GRM8: variants seen among roughly 807,000 people sequenced by gnomAD.
The protein encoded by GRM8 is metabotropic glutamate receptor 8.
A neutral mutation model predicts 87.2 loss-of-function variants in GRM8; 47 were observed. That is an observed-to-expected ratio of 0.54 (90% CI 0.43 to 0.69). The LOEUF is 0.69. Among genes scored for constraint, GRM8 ranks in the 30% least tolerant of loss-of-function variants. The probability of loss-of-function intolerance (pLI) is 0.00; values close to 1 mark genes in which losing one functional copy is unlikely to be tolerated. For synonymous variants in GRM8, 396 were observed against 404.5 expected (o/e 0.98, Z 0.25); for missense variants, 1,019 against 1,139.2 (o/e 0.89, Z 1.52).
At chr7:127,135,684 G>A (rs1329599052) in intron 2 of GRM8, among the ~76,000 whole-genome samples, 1 of 142,822 alleles carries the variant, frequency 7.0e-6, no homozygotes, top group East Asian at 2.2e-4. Flanking sequence ...AACCGGGCAT[G>A]AAACTGTTAC....
rs540349054 is a variant in GRM8 at position 126,523,260 on chromosome 7, A to T, written c.2430+9692T>A. 9.9e-4 allele frequency among the ~76,000 whole-genome samples: 151 copies of T among 152,330 alleles called. 1 individual carries two copies. Among genetic ancestry groups the T allele is most frequent in the African/African-American group, 3.4e-3 (142 of 41,578 alleles). On this transcript the variant is annotated intron_variant, in intron 9 of 10. Transcript: ENST00000339582. The stretch of plus-strand genomic sequence containing the variant: ...AAAGTTTTTCTTGAGACTTTCATTT[A>T]AATTCTTCTGTATGCGATGATTTAT...
rs144155774 is a variant in GRM8, at chr7:127,194,378, G to A, written c.510+48317C>T. ...TAAATGTTAGCTATTATCATTATGAGTACTGTTATTATCAGGGTGTCAGAT... is the reference window on the plus strand; with the variant it reads ...TAAATGTTAGCTATTATCATTATGAATACTGTTATTATCAGGGTGTCAGAT... On this transcript the variant is annotated intron_variant, in intron 2 of 10. Coordinates refer to ENST00000339582, the MANE Select transcript of GRM8 (RefSeq NM_000845.3). 2.5e-4 allele frequency among the ~76,000 whole-genome samples: 38 copies of A among 152,268 alleles called. No homozygotes were observed. In the East Asian group the frequency reaches 6.9e-3, roughly 28 times the overall value.
At chr7:127,071,783 T>C (rs952024205) in intron 3 of GRM8, among the ~76,000 whole-genome samples, 2 of 152,220 alleles carry the variant, frequency 1.3e-5, no homozygotes, top group East Asian at 1.9e-4. Context: ...CTTTTCTATA[T>C]ATACATATTT....
chr7:126,841,834 G>C (rs1434986018), intron 6 of GRM8, among the ~76,000 whole-genome samples: 1 of 151,674 alleles, frequency 6.6e-6, no homozygotes, highest in Admixed American at 6.6e-5. Flanking sequence ...GGGTTTCACC[G>C]TGATAGCCAG....
chr7:127,209,076 G>T (rs1281631982), intron 2 of GRM8, among the ~76,000 whole-genome samples: 1 of 152,204 alleles, frequency 6.6e-6, no homozygotes, highest in African/African-American at 2.4e-5. Flanking sequence ...CCAAGGGCCA[G>T]CCAATCATGA....
intron 7 of GRM8, among the ~76,000 whole-genome samples, chr7:126,703,885 T>C (rs1810209876): frequency 6.6e-6 from 1 of 152,170 alleles, no homozygotes; most frequent in Non-Finnish European, 1.5e-5. Flanking sequence ...TTTCTTATGT[T>C]GGCTGTTACC....
chr7:126,499,614 G>A (rs558874670), intron 9 of GRM8, among the ~76,000 whole-genome samples: 1 of 151,948 alleles, frequency 6.6e-6, no homozygotes, highest in Admixed American at 6.6e-5. Flanking sequence ...TAAAAAAAAG[G>A]GAATGTCTGT....
At chr7:127,159,334 G>C (rs918133497) in intron 2 of GRM8, among the ~76,000 whole-genome samples, 1 of 152,158 alleles carries the variant, frequency 6.6e-6, no homozygotes, top group Non-Finnish European at 1.5e-5. Context: ...AGGAAACACT[G>C]AGCGTATGTT....
chr7:127,175,154 G>A (rs934934134), intron 2 of GRM8, among the ~76,000 whole-genome samples: 2 of 152,094 alleles, frequency 1.3e-5, no homozygotes, highest in African/African-American at 2.4e-5. Flanking sequence ...AAGAACAGAT[G>A]ACTAATGTAA....
At position 126,779,023 on chromosome 7, in the gene GRM8, C is replaced by T. The variant is rs149346587; in HGVS notation, c.1157-8958G>A. Reference sequence around the variant, plus strand: ...TTTTTAAACATTAAAGTGATATACTCTTTTTAATATGCTCTATTCACTTCA... The same window carrying T: ...TTTTTAAACATTAAAGTGATATACTTTTTTTAATATGCTCTATTCACTTCA... On this transcript the variant is annotated intron_variant, in intron 6 of 10. Transcript: ENST00000339582. 1.1e-3 allele frequency among the ~76,000 whole-genome samples: 172 copies of T among 152,134 alleles called. 1 individual carries two copies. Among genetic ancestry groups the T allele is most frequent in the African/African-American group, 4.0e-3 (167 of 41,528 alleles).
chr7:127,206,830 C>T (rs1298983128), intron 2 of GRM8, among the ~76,000 whole-genome samples: 2 of 152,202 alleles, frequency 1.3e-5, no homozygotes, highest in Non-Finnish European at 2.9e-5. Context: ...CTGGTTACCT[C>T]GGACATTCCT....
At chr7:126,939,330 G>T (rs1460906699) in intron 3 of GRM8, among the ~76,000 whole-genome samples, 1 of 152,136 alleles carries the variant, frequency 6.6e-6, no homozygotes, top group Non-Finnish European at 1.5e-5. Flanking sequence ...ATTTAGCTGA[G>T]TCCACCTAAA....
At chr7:126,987,317 T>C (rs1812168581) in intron 3 of GRM8, among the ~76,000 whole-genome samples, 1 of 152,154 alleles carries the variant, frequency 6.6e-6, no homozygotes, top group African/African-American at 2.4e-5. Flanking sequence ...TTGACTCTCA[T>C]CCCACTAGCT....
intron 8 of GRM8, among the ~76,000 whole-genome samples, chr7:126,581,079 T>C (rs1795567191): frequency 6.6e-6 from 1 of 152,038 alleles, no homozygotes; most frequent in Non-Finnish European, 1.5e-5. Context: ...GAGGAAGGCT[T>C]TGAGAAAATG....
At chr7:126,869,430 T>A (rs1798890653) in intron 6 of GRM8, 1 of 152,246 alleles carries the variant, frequency 6.6e-6, no homozygotes, top group African/African-American at 2.4e-5. Context: ...ATGTTTTCAA[T>A]GTACTTTTCC....
intron 7 of GRM8, among the ~76,000 whole-genome samples, chr7:126,765,281 T>G (rs922450112): frequency 6.6e-6 from 1 of 152,086 alleles, no homozygotes; most frequent in Middle Eastern, 3.2e-3. Context: ...TTTTTTCTTA[T>G]AGGTTTTTAT....
chr7:126,544,501 GTTTA>G (rs1239155507), intron 8 of GRM8, among the ~76,000 whole-genome samples: 1 of 151,774 alleles, frequency 6.6e-6, no homozygotes, highest in Admixed American at 6.6e-5. Context: ...TATTTTGAAA[GTTTA>G]TTTATTATTA....
In GRM8 at chr7:126,769,889, A is replaced by T. The variant is rs759511687; in HGVS notation, c.1333T>A (p.Tyr445Asn). The T allele has an allele frequency of 8.7e-6, 14 of 1,611,756 alleles. No individual in the cohort carries two copies. Among genetic ancestry groups the T allele is most frequent in the Non-Finnish European group, 1.2e-5 (14 of 1,178,128 alleles). The change falls in exon 7 of 11, where the codon TAT becomes AAT. Residue 445 changes from tyrosine to asparagine, a missense_variant. By Grantham distance (143) the Tyr-to-Asn change is moderately radical. Coordinates refer to ENST00000339582, the MANE Select transcript of GRM8 (RefSeq NM_000845.3). ...STIDGKELLG[Y>N]IRAVNFNGSA... ...CCATTAAAATTTACAGCCCGAATAT[A>T]ACCAAGTAGCTCTTTCCCATCAATG...
chr7:126,783,530 T>A (rs1820319592), intron 6 of GRM8, among the ~76,000 whole-genome samples: 1 of 152,184 alleles, frequency 6.6e-6, no homozygotes, highest in South Asian at 2.1e-4. Context: ...TGCTTTTTTC[T>A]AAGCTTCATA....
Sources: gnomAD v4.1 joint callset for allele counts (sites outside exome capture counted in the v4.1 genomes callset) on GRCh38, gnomAD v4.1.1 for gene constraint, MANE v1.5 for transcripts, NCBI Gene and HGNC (gene_info 2026-07-23, HGNC 2026-07-21) for gene names.